The following DOCK2 variants were observed in gnomAD, a reference collection of about 807,000 sequenced individuals.
DOCK2 encodes dedicator of cytokinesis 2.
In DOCK2, 87 loss-of-function variants were observed where a neutral mutation model predicts 248.9. That is an observed-to-expected ratio of 0.35 (90% CI 0.29 to 0.42). The LOEUF (loss-of-function observed/expected upper bound fraction) is 0.42, where lower values mean the gene tolerates loss of function less well. Among genes scored for constraint, DOCK2 ranks in the 10% least tolerant of loss-of-function variants. The pLI, the probability that DOCK2 is intolerant of heterozygous loss-of-function variation, is 1.00. For missense variants in DOCK2, 1,747 were observed against 2,300.2 expected (o/e 0.76, Z 4.92); for synonymous variants, 805 against 821.6 (o/e 0.98, Z 0.35).
chr5:169,758,350 C>T (rs1358491131), intron 23 of DOCK2, among the ~76,000 whole-genome samples: 1 of 152,146 alleles, frequency 6.6e-6, no homozygotes, highest in Non-Finnish European at 1.5e-5. Flanking sequence ...GTGGTCCTCC[C>T]CTCTCTGGGG....
intron 27 of DOCK2, among the ~76,000 whole-genome samples, chr5:169,887,843 C>G (rs899815584): frequency 3.3e-5 from 5 of 152,190 alleles, no homozygotes; most frequent in African/African-American, 1.2e-4. Context: ...ACGTGCAACT[C>G]TGCCATTACT....
intron 27 of DOCK2, among the ~76,000 whole-genome samples, chr5:169,845,292 C>G (rs1359320967): frequency 6.6e-6 from 1 of 151,940 alleles, no homozygotes; most frequent in East Asian, 1.9e-4. Flanking sequence ...TACCCTGCCT[C>G]TGTCCCTTGC....
At chr5:169,717,341 C>G (rs1301877166) in intron 20 of DOCK2, 43 bp from the exon 21 acceptor site, 1 of 1,563,342 alleles carries the variant, frequency 6.4e-7, no homozygotes, top group Non-Finnish European at 8.8e-7. Context: ...GCTTCCTGCC[C>G]TGGGTTTGCC....
intron 23 of DOCK2, among the ~76,000 whole-genome samples, chr5:169,749,917 C>G (rs1763810635): frequency 6.6e-6 from 1 of 152,184 alleles, no homozygotes; most frequent in Non-Finnish European, 1.5e-5. Context: ...CGGCAGGAGC[C>G]CCAGCCAGCC....
chr5:169,782,138 C>A (rs1765746658), intron 25 of DOCK2, among the ~76,000 whole-genome samples: 1 of 152,134 alleles, frequency 6.6e-6, no homozygotes, highest in Admixed American at 6.5e-5. Context: ...CAGGGGACTA[C>A]AGCGAGTTGC....
chr5:170,065,496 G>C (rs1022287433), intron 44 of DOCK2, among the ~76,000 whole-genome samples: 3 of 152,130 alleles, frequency 2.0e-5, no homozygotes, highest in Admixed American at 6.6e-5. Flanking sequence ...TAATGATATT[G>C]TATATTAGTC....
chr5:170,080,263 A>G lies in DOCK2; in HGVS notation c.5267A>G (p.Gln1756Arg), dbSNP rs779208637. ...SVLSQMSFASQSMPTIPALAL... is the reference protein window; with the variant it reads ...SVLSQMSFASRSMPTIPALAL... ...CTCTCTCAAATGAGCTTTGCCAGCC[A>G]GTCCATGCCTACCATCCCAGGTATG... Residue 1756 changes from glutamine (Q) to arginine (R), a missense_variant, in exon 50 of 52, where the codon CAG becomes CGG. Gln to Arg is a conservative substitution (Grantham distance 43). Coordinates refer to ENST00000520908, the MANE Select transcript of DOCK2 (RefSeq NM_004946.3). 8.4e-5 allele frequency: 135 copies of G among 1,614,024 alleles called. No individual in the cohort carries two copies. The highest frequency in any genetic ancestry group is 1.1e-4 in the Non-Finnish European group (134 of 1,180,010).
At position 170,024,122 on chromosome 5, in the gene DOCK2, C is replaced by T. The variant is rs565029366; in HGVS notation, c.3382-3741C>T. Among the ~76,000 whole-genome samples the T allele has an allele frequency of 4.6e-5, 7 of 152,266 alleles. No individual in the cohort carries two copies. The South Asian group carries it at 1.5e-3, about 32-fold the overall frequency. Reference sequence around the variant, plus strand: ...AGAGCTTCTCAAGATTTGTATTGGGCCTCTGTAGAATCTGACTTCTGTAGT... The same window carrying T: ...AGAGCTTCTCAAGATTTGTATTGGGTCTCTGTAGAATCTGACTTCTGTAGT... On this transcript the variant is annotated intron_variant, in intron 33 of 51. Coordinates refer to ENST00000520908, the MANE Select transcript of DOCK2 (RefSeq NM_004946.3).
At chr5:170,032,777 C>T (rs1272916004) in intron 34 of DOCK2, among the ~76,000 whole-genome samples, 1 of 152,172 alleles carries the variant, frequency 6.6e-6, no homozygotes, top group Non-Finnish European at 1.5e-5. Flanking sequence ...GAGACGTCGC[C>T]TTCTTGCAGC....
chr5:169,841,088 A>G (rs191073928), intron 27 of DOCK2, among the ~76,000 whole-genome samples: 7 of 152,258 alleles, frequency 4.6e-5, no homozygotes, highest in Admixed American at 4.6e-4. Context: ...AATTGAGCAT[A>G]CCAGCAAGGG....
intron 34 of DOCK2, among the ~76,000 whole-genome samples, chr5:170,029,460 A>G (rs1398320380): frequency 6.6e-6 from 1 of 152,204 alleles, no homozygotes; most frequent in Non-Finnish European, 1.5e-5. Flanking sequence ...AAGACTTCAC[A>G]CAAATCACAT....
chr5:169,681,760 T>C lies in DOCK2; in HGVS notation c.487T>C (p.Leu163=). The stretch of plus-strand genomic sequence containing the variant: ...GCTTTACAGAATCCTTGAGCTTGAT[T>C]TGATTGTCAGAGATGAAGACGGAAA... ...DYGNKILELD[L]IVRDEDGNIL... The change falls in exon 7 of 52, where the codon TTG becomes CTG. Residue 163 remains leucine (L), a synonymous_variant. Coordinates refer to ENST00000520908, the MANE Select transcript of DOCK2 (RefSeq NM_004946.3). 3 of 1,613,742 alleles carry C rather than the reference T, an allele frequency of 1.9e-6. No homozygotes were observed. The highest frequency in any genetic ancestry group is 2.5e-6 in the Non-Finnish European group (3 of 1,179,818).
chr5:170,033,686 A>G (rs548205328), intron 34 of DOCK2, among the ~76,000 whole-genome samples: 161 of 152,364 alleles, frequency 1.1e-3, no homozygotes, highest in African/African-American at 3.7e-3. Context: ...CCCATCTCAT[A>G]AAATTGTGAC....
chr5:169,922,975 G>T (rs1430715183), intron 27 of DOCK2, among the ~76,000 whole-genome samples: 1 of 152,200 alleles, frequency 6.6e-6, no homozygotes, highest in Non-Finnish European at 1.5e-5. Context: ...ATATCGAATT[G>T]TGAATTTCTC....
intron 26 of DOCK2, among the ~76,000 whole-genome samples, chr5:169,818,989 C>T (rs533616839): frequency 2.6e-5 from 4 of 152,114 alleles, no homozygotes; most frequent in Admixed American, 6.5e-5. Context: ...TCAAAGGGTA[C>T]GTAAAAACAG....
At chr5:169,824,288 G>C (rs958055885) in intron 26 of DOCK2, among the ~76,000 whole-genome samples, 4 of 152,062 alleles carry the variant, frequency 2.6e-5, no homozygotes, top group African/African-American at 7.3e-5. Flanking sequence ...AGTTCATGTG[G>C]AAACAAAAAA....
intron 26 of DOCK2, among the ~76,000 whole-genome samples, chr5:169,819,569 T>G (rs1192321343): frequency 1.3e-5 from 2 of 151,466 alleles, no homozygotes; most frequent in African/African-American, 4.9e-5. Context: ...TGCAGTGAGC[T>G]GTGATCACAC....
rs545874037 is a variant in DOCK2 at position 169,802,993 on chromosome 5, T to C, written c.2555-65T>C. On this transcript the variant is annotated intron_variant, in intron 25 of 51. Transcript: ENST00000520908. Reference sequence around the variant, plus strand: ...TTTATTTAATGAAACATTGTATGCATATATGAAAGAAAAGAAACTAAAAAA... The same window carrying C: ...TTTATTTAATGAAACATTGTATGCACATATGAAAGAAAAGAAACTAAAAAA... The C allele has an allele frequency of 3.2e-6, 5 of 1,559,046 alleles. No individual in the cohort carries two copies. In the African/African-American group the frequency reaches 6.9e-5, roughly 21 times the overall value.
chr5:170,066,911 CGACCTCTACTTTAGGTTTCTACTCCA>C (rs1757510766), intron 44 of DOCK2, among the ~76,000 whole-genome samples: 1 of 152,156 alleles, frequency 6.6e-6, no homozygotes. Context: ...AAATGTTTGC[CGACCTCTACTTTAGGTTTCTACTCCA>C]GATCTCATGC....
Sources: allele counts gnomAD v4.1 joint callset (sites outside exome capture counted in the v4.1 genomes callset), GRCh38; gene constraint gnomAD v4.1.1; transcripts MANE v1.5; gene names NCBI Gene and HGNC (gene_info 2026-07-23, HGNC 2026-07-21).